Variants in SNX24 observed in about 807,000 individuals in gnomAD.
The protein encoded by SNX24 is sorting nexin 24.
SNX24 carries 22 observed loss-of-function variants against 28.7 expected under a neutral mutation model. The ratio of observed to expected loss-of-function variants is 0.77; its 90% CI spans 0.55 to 1.10. The LOEUF (loss-of-function observed/expected upper bound fraction) is 1.10. Ranked by LOEUF, SNX24 falls within the 50% of genes least tolerant of loss-of-function variation. SNX24 has a pLI of 0.00. For synonymous variants in SNX24, 69 were observed against 71.5 expected (o/e 0.96, Z 0.18); for missense variants, 221 against 201.1 (o/e 1.10, Z -0.60).
intron 5 of SNX24, chr5:123,028,997 C>A: frequency 1.1e-6 from 1 of 869,704 alleles, no homozygotes; most frequent in Non-Finnish European, 1.7e-6. Flanking sequence ...TCTATCCCAG[C>A]TATGGTTTAC....
At chr5:122,956,059 T>C (rs1232678497) in intron 3 of SNX24, among the ~76,000 whole-genome samples, 2 of 149,408 alleles carry the variant, frequency 1.3e-5, no homozygotes, top group Non-Finnish European at 3.0e-5. Flanking sequence ...TGGATGCAGC[T>C]TTTTTTTTTC....
chr5:122,890,044 G>A (rs1756899921), intron 1 of SNX24, among the ~76,000 whole-genome samples: 1 of 151,064 alleles, frequency 6.6e-6, no homozygotes, highest in Non-Finnish European at 1.5e-5. Flanking sequence ...TGTCATTTTT[G>A]TAAAGAGACA....
chr5:122,951,043 G>A lies in SNX24; in HGVS notation c.249+4884G>A, dbSNP rs565560219. On this transcript the variant is annotated intron_variant, in intron 3 of 6. Coordinates refer to ENST00000261369, the MANE Select transcript of SNX24 (RefSeq NM_014035.4). ...AGCACTTTGGGAGGCCGAGGCGGGC[G>A]GATCACGAGGTCAGGAGTTCAAGAC... Among the ~76,000 whole-genome samples the A allele has an allele frequency of 6.1e-4, 92 of 152,040 alleles. 1 individual carries two copies. The highest frequency in any genetic ancestry group is 1.0e-3 in the Non-Finnish European group (70 of 67,972).
intron 1 of SNX24, among the ~76,000 whole-genome samples, chr5:122,914,405 C>T (rs1290382246): frequency 6.6e-6 from 1 of 152,038 alleles, no homozygotes; most frequent in African/African-American, 2.4e-5. Context: ...ATGATGCTGG[C>T]CTCATAAAAT....
intron 1 of SNX24, among the ~76,000 whole-genome samples, chr5:122,873,971 T>C (rs1018495957): frequency 2.6e-5 from 4 of 152,174 alleles, no homozygotes; most frequent in Admixed American, 6.5e-5. Context: ...GATTTCACCA[T>C]GTTGTCCAGC....
intron 1 of SNX24, among the ~76,000 whole-genome samples, chr5:122,885,468 G>A (rs1426769073): frequency 2.0e-5 from 3 of 152,158 alleles, no homozygotes; most frequent in African/African-American, 7.2e-5. Flanking sequence ...CATGCTTTGA[G>A]AATGGTGGCT....
At chr5:122,877,819 G>T (rs1756299618) in intron 1 of SNX24, among the ~76,000 whole-genome samples, 1 of 151,958 alleles carries the variant, frequency 6.6e-6, no homozygotes. Flanking sequence ...TTTCTCCATT[G>T]GTGGAGTCTT....
chr5:123,026,698 C>A (rs921801855), intron 5 of SNX24, among the ~76,000 whole-genome samples: 1 of 152,182 alleles, frequency 6.6e-6, no homozygotes, highest in African/African-American at 2.4e-5. Flanking sequence ...ACCCAGTGGT[C>A]AACCTTGAAC....
chr5:122,886,475 A>G (rs760898971), intron 1 of SNX24, among the ~76,000 whole-genome samples: 3 of 152,180 alleles, frequency 2.0e-5, no homozygotes, highest in Non-Finnish European at 4.4e-5. Flanking sequence ...ATTTAATACA[A>G]AAATTGTAAC....
chr5:122,931,599 A>T (rs1387968065), intron 1 of SNX24, among the ~76,000 whole-genome samples: 1 of 152,124 alleles, frequency 6.6e-6, no homozygotes, highest in Non-Finnish European at 1.5e-5. Flanking sequence ...ACAAGTATTA[A>T]ATATACATAT....
chr5:123,001,992 C>A lies in SNX24; in HGVS notation c.430C>A (p.Pro144Thr), dbSNP rs1561722499. The A allele has an allele frequency of 1.2e-6, 2 of 1,613,890 alleles. No homozygotes were observed. The highest frequency in any genetic ancestry group is 8.5e-7 in the Non-Finnish European group (1 of 1,179,788). The change falls in exon 6 of 7, where the codon CCT becomes ACT. Residue 144 changes from proline to threonine, a missense_variant. Pro to Thr is a conservative substitution (Grantham distance 38). Coordinates refer to ENST00000261369, the MANE Select transcript of SNX24 (RefSeq NM_014035.4). ...LLFLRDPYVL[P>T]AASDFPNVVI... ...GTTCCTCAGGGATCCATATGTCTTG[C>A]CTGCAGCCAGCGGTAATCAAACCTG...
chr5:122,845,784 G>C (rs946209187), intron 1 of SNX24, 91 bp downstream of exon 1: 1 of 703,412 alleles, frequency 1.4e-6, no homozygotes, highest in African/African-American at 1.8e-5. Context: ...CCGCCTTGGC[G>C]CAGGGGGTCC....
chr5:122,885,096 C>T (rs984219968), intron 1 of SNX24, among the ~76,000 whole-genome samples: 1 of 152,034 alleles, frequency 6.6e-6, no homozygotes, highest in Admixed American at 6.6e-5. Flanking sequence ...AGAGGGCTGG[C>T]CTTGAATGGG....
At chr5:123,005,158 A>G (rs1212957472) in intron 6 of SNX24, among the ~76,000 whole-genome samples, 3 of 152,094 alleles carry the variant, frequency 2.0e-5, no homozygotes, top group Non-Finnish European at 2.9e-5. Flanking sequence ...CCTCCATCCC[A>G]TTCACTTTTT....
At chr5:122,975,645 A>G (rs1581820908) in intron 3 of SNX24, among the ~76,000 whole-genome samples, 1 of 152,316 alleles carries the variant, frequency 6.6e-6, no homozygotes, top group African/African-American at 2.4e-5. Context: ...ATGATATGCA[A>G]AGAGCTTTTA....
intron 3 of SNX24, among the ~76,000 whole-genome samples, chr5:122,965,255 G>A (rs1240990603): frequency 6.6e-6 from 1 of 152,190 alleles, no homozygotes; most frequent in African/African-American, 2.4e-5. Flanking sequence ...TTTTCCTGGT[G>A]TAACCTTGCC....
chr5:122,943,179 C>G (rs141728990), intron 2 of SNX24, among the ~76,000 whole-genome samples: 1 of 152,116 alleles, frequency 6.6e-6, no homozygotes, highest in African/African-American at 2.4e-5. Context: ...CCCTCCTTCT[C>G]TCTCCCTTGC....
intron 3 of SNX24, among the ~76,000 whole-genome samples, chr5:122,982,451 A>T (rs530421372): frequency 1.2e-3 from 181 of 152,344 alleles, no homozygotes; most frequent in African/African-American, 4.2e-3. Context: ...GGGTAATCTA[A>T]AATGAAAACT....
chr5:122,959,536 A>C (rs558930358), intron 3 of SNX24, among the ~76,000 whole-genome samples: 1 of 151,950 alleles, frequency 6.6e-6, no homozygotes, highest in Non-Finnish European at 1.5e-5. Flanking sequence ...TACCCAGCCT[A>C]ATTTCCTAGG....
Sources: allele counts gnomAD v4.1 joint callset (sites outside exome capture counted in the v4.1 genomes callset), GRCh38; gene constraint gnomAD v4.1.1; transcripts MANE v1.5; gene names NCBI Gene and HGNC (gene_info 2026-07-23, HGNC 2026-07-21).